The following DLC1 variants were observed in gnomAD, a reference collection of about 807,000 sequenced individuals.
DLC1 encodes the protein DLC1 Rho GTPase activating protein.
A neutral mutation model predicts 140.3 loss-of-function variants in DLC1; 54 were observed. The observed-to-expected ratio is 0.38, with a 90% CI of 0.31 to 0.48. The LOEUF is 0.48. DLC1 is among the 20% of genes least tolerant of loss of function. The pLI is 0.96. For synonymous variants in DLC1, 986 were observed against 728.1 expected, an observed-to-expected ratio of 1.35 and a Z score of -5.70; for missense variants, 2,536 against 1,907.0, an observed-to-expected ratio of 1.33 and a Z score of -6.14.
chr8:13,382,493 G>C (rs113909795), intron 4 of DLC1, among the ~76,000 whole-genome samples: 4 of 98,366 alleles, frequency 4.1e-5, no homozygotes, highest in Admixed American at 1.7e-4. Context: ...GGGCGACAGC[G>C]AGACTCCGTC....
chr8:13,580,239 C>G (rs1805041436), intron 1 of DLC1, among the ~76,000 whole-genome samples: 1 of 152,058 alleles, frequency 6.6e-6, no homozygotes, highest in Non-Finnish European at 1.5e-5. Context: ...TCTCCTGCCT[C>G]AGCCTCCCGA....
chr8:13,239,623 C>T (rs1291390893), intron 5 of DLC1, among the ~76,000 whole-genome samples: 4 of 152,110 alleles, frequency 2.6e-5, no homozygotes, highest in African/African-American at 9.7e-5. Flanking sequence ...AAAAAATTAA[C>T]CAGCTCAGAT....
intron 7 of DLC1, among the ~76,000 whole-genome samples, chr8:13,108,756 T>C (rs1002884942): frequency 6.6e-6 from 1 of 152,174 alleles, no homozygotes; most frequent in African/African-American, 2.4e-5. Flanking sequence ...ACCTCATGCA[T>C]ATGCATGATC....
chr8:13,582,381 G>T (rs1805135871), intron 1 of DLC1, among the ~76,000 whole-genome samples: 2 of 152,168 alleles, frequency 1.3e-5, no homozygotes, highest in South Asian at 2.1e-4. Context: ...GTCTGTGAGG[G>T]TGTTGCCAAA....
At chr8:13,348,295 T>G (rs957578654) in intron 4 of DLC1, among the ~76,000 whole-genome samples, 4 of 152,102 alleles carry the variant, frequency 2.6e-5, no homozygotes, top group African/African-American at 9.7e-5. Flanking sequence ...TGCTGGAGTT[T>G]CAGATATATT....
At chr8:13,394,164 C>G (rs1250635852) in intron 3 of DLC1, among the ~76,000 whole-genome samples, 1 of 152,226 alleles carries the variant, frequency 6.6e-6, no homozygotes, top group Non-Finnish European at 1.5e-5. Context: ...TGTTCCTATT[C>G]AACCTCTATG....
At chr8:13,561,730 T>G (rs1563441936) in intron 1 of DLC1, among the ~76,000 whole-genome samples, 1 of 152,210 alleles carries the variant, frequency 6.6e-6, no homozygotes, top group Non-Finnish European at 1.5e-5. Flanking sequence ...ACTGCTTGAA[T>G]TTTTAAATTC....
At chr8:13,111,580 T>C (rs1357789708) in intron 6 of DLC1, among the ~76,000 whole-genome samples, 1 of 152,036 alleles carries the variant, frequency 6.6e-6, no homozygotes, top group Non-Finnish European at 1.5e-5. Flanking sequence ...CTGGACTACA[T>C]AAAAAGATCC....
At chr8:13,306,115 C>G (rs1236689879) in intron 4 of DLC1, among the ~76,000 whole-genome samples, 1 of 152,112 alleles carries the variant, frequency 6.6e-6, no homozygotes. Context: ...GAAGCAGCCT[C>G]TATAAAGCGT....
At chr8:13,097,924 C>T (rs1330079491) in intron 10 of DLC1, among the ~76,000 whole-genome samples, 3 of 151,484 alleles carry the variant, frequency 2.0e-5, no homozygotes, top group Non-Finnish European at 4.4e-5. Flanking sequence ...TGGCTCACGC[C>T]TGTAATTCCA....
chr8:13,475,342 T>C (rs1261474993), intron 2 of DLC1, among the ~76,000 whole-genome samples: 2 of 152,184 alleles, frequency 1.3e-5, no homozygotes, highest in African/African-American at 4.8e-5. Context: ...GAAGAAAATA[T>C]TGATTTTCCA....
chr8:13,214,201 A>G (rs1828080294), intron 5 of DLC1: 1 of 159,368 alleles, frequency 6.3e-6, no homozygotes, highest in African/African-American at 2.4e-5. Flanking sequence ...TTGATGCAGA[A>G]AGTGAGCAGA....
intron 1 of DLC1, among the ~76,000 whole-genome samples, chr8:13,598,424 C>G (rs960311007): frequency 6.6e-6 from 1 of 151,578 alleles, no homozygotes; most frequent in African/African-American, 2.4e-5. Context: ...GTTTACACAG[C>G]CAACAAACAT....
chr8:13,474,821 C>G (rs753165374), intron 2 of DLC1, among the ~76,000 whole-genome samples: 19 of 152,210 alleles, frequency 1.2e-4, no homozygotes, highest in Non-Finnish European at 2.1e-4. Flanking sequence ...TTTGGAATGG[C>G]AGCATTTACC....
intron 2 of DLC1, among the ~76,000 whole-genome samples, chr8:13,483,513 T>G (rs1800834370): frequency 6.6e-6 from 1 of 152,138 alleles, no homozygotes; most frequent in Non-Finnish European, 1.5e-5. Context: ...GAAGACATTT[T>G]AAGTGAAGTA....
intron 3 of DLC1, among the ~76,000 whole-genome samples, chr8:13,398,441 G>A (rs973292766): frequency 6.6e-6 from 1 of 151,920 alleles, no homozygotes; most frequent in Non-Finnish European, 1.5e-5. Context: ...AAAGGATGGG[G>A]AGAAATGATG....
At chr8:13,108,569 C>A (rs1415438572) in intron 7 of DLC1, among the ~76,000 whole-genome samples, 1 of 152,176 alleles carries the variant, frequency 6.6e-6, no homozygotes, top group Non-Finnish European at 1.5e-5. Context: ...ACATTTCAAA[C>A]TGATATTCTG....
intron 5 of DLC1, among the ~76,000 whole-genome samples, chr8:13,129,702 C>T (rs1207765917): frequency 1.3e-5 from 2 of 152,202 alleles, no homozygotes; most frequent in Admixed American, 1.3e-4. Flanking sequence ...CAAGAACAGG[C>T]TTGGCATGAT....
chr8:13,550,502 T>A (rs1435087644), intron 1 of DLC1, among the ~76,000 whole-genome samples: 1 of 152,124 alleles, frequency 6.6e-6, no homozygotes, highest in African/African-American at 2.4e-5. Flanking sequence ...CAATTCGAAT[T>A]TTAAAAGTCA....
Sources: allele counts gnomAD v4.1 joint callset (sites outside exome capture counted in the v4.1 genomes callset), GRCh38; gene constraint gnomAD v4.1.1; transcripts MANE v1.5; gene names NCBI Gene and HGNC (gene_info 2026-07-23, HGNC 2026-07-21).